Variants in CACNA2D3 observed in about 807,000 individuals in gnomAD.
CACNA2D3 encodes calcium voltage-gated channel auxiliary subunit alpha2delta 3.
A neutral mutation model predicts 160.6 loss-of-function variants in CACNA2D3; 60 were observed. That is an observed-to-expected ratio of 0.37 (90% CI 0.30 to 0.46). CACNA2D3 has a LOEUF of 0.46. Among genes scored for constraint, CACNA2D3 ranks in the 20% least tolerant of loss-of-function variants. CACNA2D3 has a pLI of 1.00. For synonymous variants in CACNA2D3, 558 were observed against 492.9 expected (o/e 1.13, Z -1.75); for missense variants, 1,205 against 1,365.0 (o/e 0.88, Z 1.85).
chr3:54,316,488 A>T (rs1030215467), intron 2 of CACNA2D3, among the ~76,000 whole-genome samples: 6 of 152,118 alleles, frequency 3.9e-5, no homozygotes, highest in African/African-American at 9.7e-5. Context: ...TGCTTATGAG[A>T]TACTTCCCCA....
intron 18 of CACNA2D3, among the ~76,000 whole-genome samples, chr3:54,876,828 C>G (rs1011829858): frequency 6.6e-6 from 1 of 152,120 alleles, no homozygotes. Context: ...CAGTAGTATC[C>G]GAATTTCATA....
At chr3:54,818,712 G>A (rs1341066186) in intron 14 of CACNA2D3, among the ~76,000 whole-genome samples, 1 of 152,140 alleles carries the variant, frequency 6.6e-6, no homozygotes, top group Admixed American at 6.5e-5. Flanking sequence ...TCCGAATGAT[G>A]TCAGACATCC....
chr3:54,723,544 G>T (rs1701216422), intron 11 of CACNA2D3, among the ~76,000 whole-genome samples: 1 of 152,210 alleles, frequency 6.6e-6, no homozygotes, highest in Non-Finnish European at 1.5e-5. Flanking sequence ...GGAATCTCCT[G>T]GTTTGTGGGT....
rs190968502 is a variant in CACNA2D3, at chr3:54,272,118, T to C, written c.205-48324T>C. On this transcript the variant is annotated intron_variant, in intron 2 of 37. Transcript: ENST00000474759. ...TGGGACACATACCTTCCCATATCCATGGGCTACAGCTGGACATGGCCCCGC... is the reference window on the plus strand; with the variant it reads ...TGGGACACATACCTTCCCATATCCACGGGCTACAGCTGGACATGGCCCCGC... Among the ~76,000 whole-genome samples the C allele has an allele frequency of 3.6e-4, 55 of 152,254 alleles. 1 individual carries two copies. The South Asian group carries it at 7.1e-3, about 20-fold the overall frequency.
intron 27 of CACNA2D3, among the ~76,000 whole-genome samples, chr3:54,951,456 T>A (rs1170633498): frequency 6.6e-6 from 1 of 152,186 alleles, no homozygotes; most frequent in Non-Finnish European, 1.5e-5. Flanking sequence ...TTCTTTGGTG[T>A]GCGGCCCGGG....
chr3:54,203,347 T>G (rs577940249), intron 2 of CACNA2D3, among the ~76,000 whole-genome samples: 56 of 152,330 alleles, frequency 3.7e-4, no homozygotes, highest in Non-Finnish European at 5.7e-4. Flanking sequence ...GCTGTGGGGC[T>G]CTGACTCCAT....
At chr3:54,545,521 C>T (rs943663391) in intron 5 of CACNA2D3, among the ~76,000 whole-genome samples, 4 of 152,180 alleles carry the variant, frequency 2.6e-5, no homozygotes, top group South Asian at 2.1e-4. Flanking sequence ...TTATTTCCCA[C>T]GAAGCACTTC....
chr3:54,575,922 G>T (rs1044844477), intron 8 of CACNA2D3, among the ~76,000 whole-genome samples: 4 of 152,152 alleles, frequency 2.6e-5, no homozygotes, highest in Admixed American at 6.5e-5. Context: ...GATCACATAG[G>T]GGGGTGGGTG....
At chr3:55,037,655 C>T (rs1703854772) in intron 35 of CACNA2D3, among the ~76,000 whole-genome samples, 2 of 152,176 alleles carry the variant, frequency 1.3e-5, no homozygotes, top group African/African-American at 2.4e-5. Flanking sequence ...AAGAATGGGA[C>T]AAATTAATGG....
At position 54,775,196 on chromosome 3, in the gene CACNA2D3, G is replaced by A. The variant is rs570282062; in HGVS notation, c.1380+10845G>A. Among the ~76,000 whole-genome samples, 3 of 152,278 alleles carry A rather than the reference G, an allele frequency of 2.0e-5. No homozygotes were observed. In the East Asian group the frequency reaches 5.8e-4, roughly 29 times the overall value. On this transcript the variant is annotated intron_variant, in intron 13 of 37. Coordinates refer to ENST00000474759, the MANE Select transcript of CACNA2D3 (RefSeq NM_018398.3). ...AGAGTGAGGAGAAATCAATCCAAAA[G>A]GAAATTGATCCTGGGAAGACCGAGA...
chr3:55,059,011 A>G (rs1391705003), intron 35 of CACNA2D3, among the ~76,000 whole-genome samples: 1 of 152,240 alleles, frequency 6.6e-6, no homozygotes, highest in Non-Finnish European at 1.5e-5. Flanking sequence ...ACACTTAACA[A>G]AAATATTTTG....
At chr3:54,298,632 C>G (rs61444952) in intron 2 of CACNA2D3, among the ~76,000 whole-genome samples, 35,301 of 151,886 alleles carry the variant, frequency 0.23, 4,306 homozygotes, top group South Asian at 0.34. Flanking sequence ...AACCTTGTCT[C>G]TATAAAAAAG....
At chr3:54,722,542 T>A (rs1701187875) in intron 11 of CACNA2D3, among the ~76,000 whole-genome samples, 1 of 152,202 alleles carries the variant, frequency 6.6e-6, no homozygotes, top group Non-Finnish European at 1.5e-5. Context: ...CCCATCTTTG[T>A]GGAGTTATCT....
At chr3:54,902,970 AC>A (rs1285740495) in intron 27 of CACNA2D3, among the ~76,000 whole-genome samples, 6 of 152,186 alleles carry the variant, frequency 3.9e-5, no homozygotes, top group African/African-American at 1.4e-4. Flanking sequence ...TTTGCCAGGC[AC>A]TCTAGCTATA....
At chr3:54,678,720 C>CTAAAAA (rs1700287184) in intron 11 of CACNA2D3, among the ~76,000 whole-genome samples, 1 of 45,902 alleles carries the variant, frequency 2.2e-5, no homozygotes, top group African/African-American at 9.7e-5. Flanking sequence ...GACTCGGTCT[C>CTAAAAA]AAAAAAAAAA....
At chr3:54,825,979 TCTTTA>T (rs1290634141) in intron 14 of CACNA2D3, among the ~76,000 whole-genome samples, 2 of 152,220 alleles carry the variant, frequency 1.3e-5, no homozygotes, top group Non-Finnish European at 1.5e-5. Flanking sequence ...GCATAGCTTT[TCTTTA>T]CTTTTTGGCA....
intron 4 of CACNA2D3, among the ~76,000 whole-genome samples, chr3:54,433,793 G>T (rs999422912): frequency 1.3e-5 from 2 of 152,148 alleles, no homozygotes; most frequent in African/African-American, 4.8e-5. Flanking sequence ...AGAAAAGCCT[G>T]TTCCTCCTAG....
chr3:54,737,560 G>C (rs989295571), intron 11 of CACNA2D3, among the ~76,000 whole-genome samples: 1 of 152,134 alleles, frequency 6.6e-6, no homozygotes, highest in Non-Finnish European at 1.5e-5. Flanking sequence ...GGCTGAGTAG[G>C]GGGGCAAGTG....
At chr3:54,329,282 C>T (rs1226721384) in intron 3 of CACNA2D3, among the ~76,000 whole-genome samples, 1 of 152,138 alleles carries the variant, frequency 6.6e-6, no homozygotes, top group African/African-American at 2.4e-5. Flanking sequence ...GTGCCTACTA[C>T]GGTGCTTCAA....
Sources: gnomAD v4.1 joint callset for allele counts (sites outside exome capture counted in the v4.1 genomes callset) on GRCh38, gnomAD v4.1.1 for gene constraint, MANE v1.5 for transcripts, NCBI Gene and HGNC (gene_info 2026-07-23, HGNC 2026-07-21) for gene names.